KIAA1217: variants seen among roughly 807,000 people sequenced by gnomAD.
The protein encoded by KIAA1217 is sickle tail protein homolog.
In KIAA1217, 88 loss-of-function variants were observed where a neutral mutation model predicts 163.9. The observed-to-expected ratio is 0.54, with a 90% confidence interval of 0.45 to 0.64. The LOEUF is 0.64. KIAA1217 is among the 30% of genes least tolerant of loss of function. The pLI, the probability that KIAA1217 is intolerant of heterozygous loss-of-function variation, is 0.00. For synonymous variants in KIAA1217, 903 were observed against 923.1 expected, an observed-to-expected ratio of 0.98 and a Z score of 0.39; for missense variants, 2,372 against 2,475.0, an observed-to-expected ratio of 0.96 and a Z score of 0.88.
At chr10:23,849,674 A>C (rs1489055665) in intron 1 of KIAA1217, among the ~76,000 whole-genome samples, 2 of 152,150 alleles carry the variant, frequency 1.3e-5, no homozygotes, top group African/African-American at 4.8e-5. Context: ...AAAGTATAAT[A>C]ATAAAAGAAA....
At chr10:24,064,869 G>T (rs2060876449) in intron 2 of KIAA1217, among the ~76,000 whole-genome samples, 1 of 152,082 alleles carries the variant, frequency 6.6e-6, no homozygotes, top group African/African-American at 2.4e-5. Context: ...TTTAGTCTTG[G>T]GAGACTGTAT....
At chr10:23,697,433 T>C (rs1177762831) in intron 1 of KIAA1217, among the ~76,000 whole-genome samples, 1 of 152,190 alleles carries the variant, frequency 6.6e-6, no homozygotes, top group Non-Finnish European at 1.5e-5. Context: ...GTTTTATTAA[T>C]TGAGCCCAAG....
intron 2 of KIAA1217, among the ~76,000 whole-genome samples, chr10:24,131,567 C>T (rs2063653412): frequency 1.3e-5 from 2 of 152,240 alleles, no homozygotes; most frequent in South Asian, 2.1e-4. Context: ...TGTAAGTTAG[C>T]GTCCCATAAT....
At chr10:24,167,881 G>A (rs766769865) in intron 2 of KIAA1217, among the ~76,000 whole-genome samples, 1 of 152,168 alleles carries the variant, frequency 6.6e-6, no homozygotes, top group Non-Finnish European at 1.5e-5. Context: ...TCCAGTGGTG[G>A]AAGGAGCAAG....
At chr10:23,895,493 A>G (rs1783374696) in intron 1 of KIAA1217, among the ~76,000 whole-genome samples, 1 of 152,144 alleles carries the variant, frequency 6.6e-6, no homozygotes. Context: ...TCAGGAAACA[A>G]CAGGTACTGG....
At chr10:24,059,029 G>A (rs902639838) in intron 2 of KIAA1217, among the ~76,000 whole-genome samples, 1 of 152,060 alleles carries the variant, frequency 6.6e-6, no homozygotes, top group African/African-American at 2.4e-5. Flanking sequence ...GTCATATATG[G>A]CCTTTATTAT....
intron 3 of KIAA1217, among the ~76,000 whole-genome samples, chr10:24,412,254 C>T (rs1354943106): frequency 2.6e-5 from 4 of 152,034 alleles, no homozygotes. Flanking sequence ...AGCCATGTCT[C>T]ATCTGACTTG....
chr10:24,194,718 G>C (rs1049497126), intron 2 of KIAA1217, among the ~76,000 whole-genome samples: 2 of 150,862 alleles, frequency 1.3e-5, no homozygotes, highest in African/African-American at 4.9e-5. Flanking sequence ...GCAGTAGCTG[G>C]GACTATAGGC....
At chr10:24,380,761 AC>A in intron 2 of KIAA1217, 107 bp from the exon 3 acceptor site, 1 of 793,918 alleles carries the variant, frequency 1.3e-6, no homozygotes, top group Non-Finnish European at 1.9e-6. Context: ...ATGGACTGTT[AC>A]CCCTTGCCAT....
At chr10:24,197,376 T>C (rs896069182) in intron 2 of KIAA1217, among the ~76,000 whole-genome samples, 3 of 152,228 alleles carry the variant, frequency 2.0e-5, no homozygotes, top group Non-Finnish European at 2.9e-5. Flanking sequence ...TGTTGAATTT[T>C]CATCCCTGTT....
chr10:24,128,574 G>A (rs148405793), intron 2 of KIAA1217, among the ~76,000 whole-genome samples: 210 of 152,258 alleles, frequency 1.4e-3, no homozygotes, highest in African/African-American at 5.0e-3. Context: ...CATGCCATGG[G>A]GACTCATTCA....
chr10:24,256,307 T>C (rs1303535172), intron 2 of KIAA1217, among the ~76,000 whole-genome samples: 1 of 152,198 alleles, frequency 6.6e-6, no homozygotes, highest in Non-Finnish European at 1.5e-5. Context: ...ATCTCAGTTC[T>C]TCCTAGTGCT....
At chr10:24,246,326 T>TC (rs1046661353) in intron 2 of KIAA1217, among the ~76,000 whole-genome samples, 5 of 152,216 alleles carry the variant, frequency 3.3e-5, no homozygotes, top group Admixed American at 2.0e-4. Flanking sequence ...GCTTCTTTTT[T>TC]CTCTCCCTGT....
intron 1 of KIAA1217, among the ~76,000 whole-genome samples, chr10:23,888,127 A>G (rs1186933367): frequency 6.6e-6 from 1 of 151,924 alleles, no homozygotes; most frequent in Non-Finnish European, 1.5e-5. Flanking sequence ...CTTTCCAAAC[A>G]TTTCCACTTG....
intron 2 of KIAA1217, among the ~76,000 whole-genome samples, chr10:24,300,266 T>C (rs2041150501): frequency 6.6e-6 from 1 of 152,238 alleles, no homozygotes; most frequent in Admixed American, 6.5e-5. Flanking sequence ...CTTAGTCAGT[T>C]TCCTTTTGGG....
At chr10:24,273,484 A>T (rs181639482) in intron 2 of KIAA1217, among the ~76,000 whole-genome samples, 1 of 152,130 alleles carries the variant, frequency 6.6e-6, no homozygotes, top group Non-Finnish European at 1.5e-5. Flanking sequence ...GTCCCAGTCC[A>T]GTGAGGGTGT....
At chr10:24,383,696 G>A (rs1392711956) in intron 3 of KIAA1217, among the ~76,000 whole-genome samples, 1 of 152,198 alleles carries the variant, frequency 6.6e-6, no homozygotes, top group Admixed American at 6.5e-5. Flanking sequence ...GAGGAGAGGA[G>A]AGAAATGAGA....
chr10:23,980,017 C>T (rs1845699795), intron 1 of KIAA1217, among the ~76,000 whole-genome samples: 1 of 152,098 alleles, frequency 6.6e-6, no homozygotes, highest in African/African-American at 2.4e-5. Flanking sequence ...ATCCTTTGGT[C>T]ATTTCACGAA....
At chr10:24,262,223 A>C (rs898508015) in intron 2 of KIAA1217, among the ~76,000 whole-genome samples, 2 of 152,190 alleles carry the variant, frequency 1.3e-5, no homozygotes, top group African/African-American at 4.8e-5. Flanking sequence ...TTCAAGGTGA[A>C]ATAGTGGCTG....
Sources: allele counts gnomAD v4.1 joint callset (sites outside exome capture counted in the v4.1 genomes callset), GRCh38; gene constraint gnomAD v4.1.1; transcripts MANE v1.5; gene names NCBI Gene and HGNC (gene_info 2026-07-23, HGNC 2026-07-21).